Variants in NINJ2 observed in about 807,000 individuals in gnomAD.
NINJ2 encodes the protein ninjurin 2, also known as ninjurin-2.
NINJ2 carries 12 observed loss-of-function variants against 11.7 expected under a neutral mutation model. The ratio of observed to expected loss-of-function variants is 1.02; its 90% CI spans 0.66 to 1.66. NINJ2 has a LOEUF of 1.66. Among genes scored for constraint, NINJ2 ranks in the 40% most tolerant of loss-of-function variants. NINJ2 has a pLI of 0.00. For synonymous variants in NINJ2, 93 were observed against 76.8 expected, an observed-to-expected ratio of 1.21 and a Z score of -1.10; for missense variants, 187 against 181.8, an observed-to-expected ratio of 1.03 and a Z score of -0.16.
intron 1 of NINJ2, among the ~76,000 whole-genome samples, chr12:634,224 A>G (rs2120446392): frequency 6.7e-6 from 1 of 148,744 alleles, no homozygotes; most frequent in Admixed American, 6.8e-5. Flanking sequence ...AGTGCCTCAC[A>G]TAAGTTGTGC....
chr12:643,333 G>C (rs1937623662), intron 1 of NINJ2: 1 of 660,106 alleles, frequency 1.5e-6, no homozygotes, highest in Non-Finnish European at 1.9e-6. Context: ...TCGCAGCCCC[G>C]CGCCGGGTGG....
intron 1 of NINJ2, among the ~76,000 whole-genome samples, chr12:637,685 A>G (rs894681850): frequency 6.6e-6 from 1 of 152,112 alleles, no homozygotes; most frequent in Non-Finnish European, 1.5e-5. Flanking sequence ...CTTTACCCCA[A>G]TTAATGTACC....
At chr12:641,680 T>TAA (rs34689219) in intron 1 of NINJ2, among the ~76,000 whole-genome samples, 1 of 151,472 alleles carries the variant, frequency 6.6e-6, no homozygotes, top group Non-Finnish European at 1.5e-5. Flanking sequence ...CCGTCTCTAC[T>TAA]AAAAAATACA....
At chr12:627,006 G>T (rs142687519) in intron 1 of NINJ2, among the ~76,000 whole-genome samples, 46 of 152,256 alleles carry the variant, frequency 3.0e-4, no homozygotes, top group Non-Finnish European at 5.3e-4. Flanking sequence ...GGTTGTCTGA[G>T]CCTAGGAGTT....
chr12:642,211 C>CA (rs1948427279), intron 1 of NINJ2, among the ~76,000 whole-genome samples: 1 of 152,204 alleles, frequency 6.6e-6, no homozygotes, highest in Admixed American at 6.5e-5. Flanking sequence ...AAAGTCTATG[C>CA]AAAATGCCTG....
chr12:598,748 G>A (rs1022243376), intron 1 of NINJ2, among the ~76,000 whole-genome samples: 37 of 151,950 alleles, frequency 2.4e-4, no homozygotes, highest in Non-Finnish European at 5.3e-4. Context: ...CATCCAGGCT[G>A]CAGTTCAGTG....
At position 581,169 on chromosome 12, in the gene NINJ2, G is replaced by A. The variant is rs11063704; in HGVS notation, c.34-14991C>T. ...TGTGTGCATGTGTCTCTGTGTGTGT[G>A]TGTGTGTCTGTGTGTGTGTCTGTCT... is the stretch of plus-strand genomic sequence containing the variant. On this transcript the variant is annotated intron_variant, in intron 1 of 3. Coordinates refer to ENST00000305108, the MANE Select transcript of NINJ2 (RefSeq NM_016533.6). This position sits in a 1 kb window ranked among gnomAD's most constrained non-coding sequence, Gnocchi z 4.9. Among the ~76,000 whole-genome samples, 40,025 of 150,210 alleles carry A rather than the reference G, an allele frequency of 0.27. 5,565 individuals carry two copies. The highest frequency in any genetic ancestry group is 0.36 in the South Asian group (1,695 of 4,660).
At position 580,900 on chromosome 12, in the gene NINJ2, CTGTG is replaced by C. The variant is rs772320575; in HGVS notation, c.34-14726_34-14723del. Among the ~76,000 whole-genome samples, 2 of 149,162 alleles carry C rather than the reference CTGTG, an allele frequency of 1.3e-5. No homozygotes were observed. The highest frequency in any genetic ancestry group is 2.5e-5 in the African/African-American group (1 of 40,470). On this transcript the variant is annotated intron_variant, in intron 1 of 3. Coordinates refer to ENST00000305108, the MANE Select transcript of NINJ2 (RefSeq NM_016533.6). The surrounding 1 kb of genome is among the most constrained non-coding windows in gnomAD (Gnocchi z 4.7). ...TGTGTCTATGCATGTGTCTGTGTGT[CTGTG>C]TGTGTGTCTGTATGTTTGTGTGTGT...
intron 1 of NINJ2, among the ~76,000 whole-genome samples, chr12:634,549 G>A (rs867324969): frequency 4.0e-5 from 6 of 151,682 alleles, no homozygotes; most frequent in African/African-American, 9.7e-5. Flanking sequence ...ATGGGCCACC[G>A]CGCCCGGCCT....
At chr12:651,652 A>T (rs568037854) in intron 1 of NINJ2, among the ~76,000 whole-genome samples, 1 of 152,238 alleles carries the variant, frequency 6.6e-6, no homozygotes, top group East Asian at 1.9e-4. Context: ...TTATCAGACC[A>T]AGGATTTAAA....
Position 648,845 on chromosome 12 carries a change from T to TA in NINJ2, c.33+14482dup, listed in dbSNP as rs1339751532. Among the ~76,000 whole-genome samples the TA allele has an allele frequency of 4.6e-5, 7 of 152,332 alleles. No homozygotes were observed. The South Asian group carries it at 1.0e-3, about 23-fold the overall frequency. On this transcript the variant is annotated intron_variant, in intron 1 of 3. Transcript: ENST00000305108. ...ATCTATCTACTCATCCTTCCCCAGA[T>TA]ATGCCCTGTGTTTTCCTGCCTCCAG...
At chr12:610,777 A>G (rs1189064163) in intron 1 of NINJ2, 1 of 286,476 alleles carries the variant, frequency 3.5e-6, no homozygotes, top group African/African-American at 3.0e-5. Context: ...CTTGTTGCCC[A>G]GGCTGGAGTG....
At chr12:592,924 A>C (rs1047367965) in intron 1 of NINJ2, among the ~76,000 whole-genome samples, 1 of 152,206 alleles carries the variant, frequency 6.6e-6, no homozygotes, top group African/African-American at 2.4e-5. Flanking sequence ...ATAATTACAG[A>C]AATTTGTGAG....
In NINJ2 at chr12:620,457, T is replaced by C. The variant is rs143876496; in HGVS notation, c.33+42871A>G. On this transcript the variant is annotated intron_variant, in intron 1 of 3. Coordinates refer to ENST00000305108, the MANE Select transcript of NINJ2 (RefSeq NM_016533.6). ...TGATGCGTCTCACACATAAAGCCTG[T>C]GCTGTTTGTCAAATGCACAGAGGTG... 4.5e-3 allele frequency among the ~76,000 whole-genome samples: 686 copies of C among 152,378 alleles called. 3 individuals are homozygous for C. The highest frequency in any genetic ancestry group is 6.5e-3 in the Non-Finnish European group (444 of 68,038).
intron 1 of NINJ2, among the ~76,000 whole-genome samples, chr12:629,881 CAAAA>C (rs1179186409): frequency 3.0e-4 from 1 of 3,366 alleles, no homozygotes; most frequent in African/African-American, 3.5e-4. Flanking sequence ...GAGCAAAACT[CAAAA>C]AAAAAAAAAA....
chr12:652,765 T>C (rs1247906011), intron 1 of NINJ2, among the ~76,000 whole-genome samples: 1 of 151,480 alleles, frequency 6.6e-6, no homozygotes, highest in Non-Finnish European at 1.5e-5. Context: ...CTGGCCAATA[T>C]AGTGAAACCC....
rs1948402039 is a variant in NINJ2 at position 640,194 on chromosome 12, T to A, written c.33+23134A>T. 1.3e-5 allele frequency among the ~76,000 whole-genome samples: 2 copies of A among 152,264 alleles called. No homozygotes were observed. The highest frequency in any genetic ancestry group is 4.1e-4 in the South Asian group (2 of 4,834). On this transcript the variant is annotated intron_variant, in intron 1 of 3. Coordinates refer to ENST00000305108, the MANE Select transcript of NINJ2 (RefSeq NM_016533.6). This position sits in a 1 kb window ranked among gnomAD's most constrained non-coding sequence, Gnocchi z 4.0. ...CAGGAAAGCTGAGCAGTCAGTCACA[T>A]GATTACCAAGGTATTGAGATGGAAG...
intron 1 of NINJ2, among the ~76,000 whole-genome samples, chr12:629,516 C>T (rs1325210964): frequency 6.6e-6 from 1 of 152,130 alleles, no homozygotes; most frequent in Non-Finnish European, 1.5e-5. Flanking sequence ...CTTGTCCAAC[C>T]CACAGCCTGT....
intron 1 of NINJ2, among the ~76,000 whole-genome samples, chr12:599,817 G>C (rs1345311588): frequency 6.6e-6 from 1 of 152,096 alleles, no homozygotes; most frequent in Non-Finnish European, 1.5e-5. Flanking sequence ...CGCCCGGGGG[G>C]CTCACATTCC....
Sources: allele counts gnomAD v4.1 joint callset (sites outside exome capture counted in the v4.1 genomes callset), GRCh38; gene constraint gnomAD v4.1.1; non-coding constraint Gnocchi (gnomAD v3.1); transcripts MANE v1.5; gene names NCBI Gene and HGNC (gene_info 2026-07-23, HGNC 2026-07-21).